CSMD1: variants seen among roughly 807,000 people sequenced by gnomAD.
CSMD1 encodes the protein CUB and sushi domain-containing protein 1.
CSMD1 carries 213 observed loss-of-function variants against 417.5 expected under a neutral mutation model. That is an observed-to-expected ratio of 0.51 (90% confidence interval 0.46 to 0.57). The LOEUF is 0.57. Ranked by LOEUF, CSMD1 falls within the 20% of genes least tolerant of loss-of-function variation. The pLI is 0.00. For synonymous variants in CSMD1, 2,862 were observed against 1,736.8 expected (o/e 1.65, Z -16.11); for missense variants, 6,923 against 4,529.7 (o/e 1.53, Z -15.17).
intron 6 of CSMD1, among the ~76,000 whole-genome samples, chr8:3,752,357 C>G (rs529297999): frequency 1.3e-5 from 2 of 152,208 alleles, no homozygotes; most frequent in South Asian, 2.1e-4. Flanking sequence ...CTGATGAAGT[C>G]TAAAATATAT....
intron 2 of CSMD1, among the ~76,000 whole-genome samples, chr8:4,470,492 A>C (rs1484735517): frequency 5.3e-5 from 8 of 152,220 alleles, no homozygotes; most frequent in Admixed American, 5.2e-4. Flanking sequence ...CTGGAAGGAT[A>C]AGTGCATCAA....
chr8:4,888,331 A>T (rs1471102867), intron 1 of CSMD1, among the ~76,000 whole-genome samples: 1 of 152,020 alleles, frequency 6.6e-6, no homozygotes, highest in East Asian at 1.9e-4. Flanking sequence ...CATTATCATT[A>T]GTTATTGATT....
At chr8:3,053,882 G>T (rs895504936) in intron 49 of CSMD1, among the ~76,000 whole-genome samples, 5 of 152,294 alleles carry the variant, frequency 3.3e-5, no homozygotes, top group Admixed American at 6.5e-5. Context: ...CAGTATTAAA[G>T]ATATTGTTCA....
chr8:3,875,933 G>A (rs1805786021), intron 5 of CSMD1, among the ~76,000 whole-genome samples: 1 of 152,120 alleles, frequency 6.6e-6, no homozygotes, highest in Non-Finnish European at 1.5e-5. Flanking sequence ...GAGATCAATG[G>A]GAAGCTCGGA....
intron 21 of CSMD1, among the ~76,000 whole-genome samples, chr8:3,358,212 G>C (rs112335180): frequency 1.3e-5 from 2 of 152,168 alleles, no homozygotes; most frequent in Non-Finnish European, 1.5e-5. Flanking sequence ...AGTGTGGTTC[G>C]TATTCTGGAC....
At chr8:3,715,978 G>C (rs1312329382) in intron 6 of CSMD1, among the ~76,000 whole-genome samples, 2 of 152,192 alleles carry the variant, frequency 1.3e-5, no homozygotes, top group African/African-American at 2.4e-5. Context: ...GGTTCTCTTT[G>C]CATCTCTTCC....
chr8:4,103,265 T>TTATATATATATA (rs143710123), intron 3 of CSMD1, among the ~76,000 whole-genome samples: 219 of 150,092 alleles, frequency 1.5e-3, no homozygotes, highest in African/African-American at 5.1e-3. Flanking sequence ...TATACATACA[T>TTATATATATATA]TATATATATC....
chr8:4,302,935 G>A (rs1448199106), intron 3 of CSMD1, among the ~76,000 whole-genome samples: 1 of 151,938 alleles, frequency 6.6e-6, no homozygotes, highest in Non-Finnish European at 1.5e-5. Flanking sequence ...TCTGGAAAAT[G>A]CTGCTTCCCT....
At chr8:4,584,455 C>G (rs1359021754) in intron 2 of CSMD1, among the ~76,000 whole-genome samples, 1 of 152,030 alleles carries the variant, frequency 6.6e-6, no homozygotes, top group South Asian at 2.1e-4. Flanking sequence ...AAGCGACTAG[C>G]GTGGCCGCCG....
chr8:4,670,968 T>C (rs1585425154), intron 1 of CSMD1, among the ~76,000 whole-genome samples: 1 of 152,206 alleles, frequency 6.6e-6, no homozygotes, highest in East Asian at 1.9e-4. Flanking sequence ...ATCCATGCTA[T>C]CTCCTGACTA....
At chr8:3,384,191 T>C (rs1563332474) in intron 18 of CSMD1, among the ~76,000 whole-genome samples, 2 of 152,248 alleles carry the variant, frequency 1.3e-5, no homozygotes, top group Non-Finnish European at 2.9e-5. Flanking sequence ...AATAAATAAA[T>C]ATGTAGACAT....
chr8:3,594,762 G>C (rs1054219310), intron 8 of CSMD1, among the ~76,000 whole-genome samples: 6 of 151,000 alleles, frequency 4.0e-5, no homozygotes, highest in African/African-American at 1.4e-4. Context: ...AAGAGTGGGA[G>C]GCTTGGGAGA....
At chr8:4,530,004 T>C (rs1454932179) in intron 2 of CSMD1, among the ~76,000 whole-genome samples, 1 of 152,078 alleles carries the variant, frequency 6.6e-6, no homozygotes, top group Non-Finnish European at 1.5e-5. Flanking sequence ...AAGCCCCGCC[T>C]TCCGGGTTCA....
intron 25 of CSMD1, 155 bp from the exon 26 acceptor site, chr8:3,284,501 G>A (rs1802996646): frequency 4.7e-6 from 3 of 633,208 alleles, no homozygotes; most frequent in East Asian, 5.5e-5. Flanking sequence ...AGGAAAATGA[G>A]GCTCACCGAA....
At chr8:4,415,511 C>T (rs1796886023) in intron 3 of CSMD1, among the ~76,000 whole-genome samples, 1 of 152,182 alleles carries the variant, frequency 6.6e-6, no homozygotes, top group African/African-American at 2.4e-5. Context: ...CCTGCTCTTT[C>T]CCTTGCTCTT....
intron 3 of CSMD1, among the ~76,000 whole-genome samples, chr8:4,389,834 T>C (rs187968995): frequency 1.3e-5 from 2 of 152,316 alleles, no homozygotes; most frequent in East Asian, 3.9e-4. Flanking sequence ...TAAAGCATAA[T>C]GTCTACATGA....
chr8:3,125,123 T>A (rs967511892), intron 41 of CSMD1, among the ~76,000 whole-genome samples: 3 of 152,220 alleles, frequency 2.0e-5, no homozygotes, highest in African/African-American at 7.2e-5. Flanking sequence ...CAATAAGGTA[T>A]AAAGGACTAT....
At chr8:3,954,999 C>A (rs1440587188) in intron 5 of CSMD1, among the ~76,000 whole-genome samples, 2 of 152,186 alleles carry the variant, frequency 1.3e-5, no homozygotes, top group Non-Finnish European at 2.9e-5. Context: ...TAAGTGTGGA[C>A]CATCAGGAAA....
At chr8:4,696,810 T>TA (rs1331409165) in intron 1 of CSMD1, among the ~76,000 whole-genome samples, 2 of 152,202 alleles carry the variant, frequency 1.3e-5, no homozygotes. Context: ...ACAAATTTAT[T>TA]AAATTTCATT....
Sources: gnomAD v4.1 joint callset for allele counts (sites outside exome capture counted in the v4.1 genomes callset) on GRCh38, gnomAD v4.1.1 for gene constraint, MANE v1.5 for transcripts, NCBI Gene and HGNC (gene_info 2026-07-23, HGNC 2026-07-21) for gene names.